The following UNC5C variants were observed in gnomAD, a reference collection of about 807,000 sequenced individuals.
UNC5C encodes netrin receptor UNC5C.
Under a neutral mutation model 99.8 loss-of-function variants are expected in UNC5C, and 47 were observed. That is an observed-to-expected ratio of 0.47 (90% CI 0.37 to 0.60). The LOEUF (loss-of-function observed/expected upper bound fraction) is 0.60, where lower values mean the gene tolerates loss of function less well. Ranked by LOEUF, UNC5C falls within the 20% of genes least tolerant of loss-of-function variation. The pLI is 0.00. For synonymous variants in UNC5C, 487 were observed against 452.2 expected (o/e 1.08, Z -0.98); for missense variants, 1,062 against 1,165.9 (o/e 0.91, Z 1.30).
intron 1 of UNC5C, among the ~76,000 whole-genome samples, chr4:95,392,464 C>G (rs1266175181): frequency 6.6e-6 from 1 of 150,458 alleles, no homozygotes. Flanking sequence ...ACAGGTTTCA[C>G]TCTGTCACCT....
Position 95,167,893 on chromosome 4 carries a change from G to A in UNC5C, c.*1341C>T, listed in dbSNP as rs1259420747. The A allele has an allele frequency of 2.0e-5, 3 of 152,190 alleles. No individual in the cohort carries two copies. The highest frequency in any genetic ancestry group is 4.4e-5 in the Non-Finnish European group (3 of 68,048). 9.4% of individuals were successfully genotyped at this position (152,190 alleles called of 1,614,324 possible). A position where few individuals can be genotyped will look rare whatever the true frequency, so the allele number is the denominator to read the frequency against. The stretch of plus-strand genomic sequence containing the variant: ...GACTGGAGGCATCACGGTGGAAGTT[G>A]AGCATTTCAGAACTTGGAGATGATC... On this transcript the variant is annotated 3_prime_UTR_variant, in exon 16 of 16. Transcript: ENST00000453304.
At chr4:95,208,796 T>G (rs1465173152) in intron 10 of UNC5C, among the ~76,000 whole-genome samples, 2 of 152,222 alleles carry the variant, frequency 1.3e-5, no homozygotes, top group Non-Finnish European at 2.9e-5. Context: ...CACATCAAAT[T>G]CCTTTATAAT....
chr4:95,211,111 C>T (rs1045254766), intron 10 of UNC5C, among the ~76,000 whole-genome samples: 3 of 152,156 alleles, frequency 2.0e-5, no homozygotes, highest in Non-Finnish European at 2.9e-5. Flanking sequence ...AGAGCAGGCT[C>T]AAGGAAAGAA....
In UNC5C at chr4:95,242,460, G is replaced by A. The variant is rs1280100766; in HGVS notation, c.1077C>T (p.Ser359=). ...TGCAAAGCCCATCAGTGCAGTTCTTGGATTGCAAGACGAGGCCGTCGCAGT... is the reference window on the plus strand; with the variant it reads ...TGCAAAGCCCATCAGTGCAGTTCTTAGATTGCAAGACGAGGCCGTCGCAGT... The part of the protein sequence containing the change: ...GKDCDGLVLQ[S]KNCTDGLCMQ... The change falls in exon 7 of 16, where the codon TCC becomes TCT. Residue 359 remains serine (S), a synonymous_variant. Coordinates refer to ENST00000453304, the MANE Select transcript of UNC5C (RefSeq NM_003728.4). 1 of 1,613,942 alleles carries A rather than the reference G, an allele frequency of 6.2e-7. No homozygotes were observed. Among genetic ancestry groups the A allele is most frequent in the East Asian group, 2.2e-5 (1 of 44,836 alleles).
intron 1 of UNC5C, among the ~76,000 whole-genome samples, chr4:95,415,390 C>T (rs1459717579): frequency 6.6e-6 from 1 of 151,986 alleles, no homozygotes; most frequent in African/African-American, 2.4e-5. Context: ...AGCTTCCTAT[C>T]CCTAACGTGG....
At chr4:95,234,446 A>G (rs1189163171) in intron 7 of UNC5C, among the ~76,000 whole-genome samples, 2 of 152,010 alleles carry the variant, frequency 1.3e-5, no homozygotes, top group Non-Finnish European at 2.9e-5. Flanking sequence ...TTACATATGT[A>G]TACATGTGCC....
Position 95,169,187 on chromosome 4 carries a change from G to C in UNC5C, c.*47C>G. 1 of 1,605,252 alleles carries C rather than the reference G, an allele frequency of 6.2e-7. No individual in the cohort carries two copies. Among genetic ancestry groups the C allele is most frequent in the South Asian group, 1.1e-5 (1 of 90,000 alleles). The stretch of plus-strand genomic sequence containing the variant: ...GCTGTGATTCACCTGGACGGCCACA[G>C]ACTCCCTGTGCATTTTTGTCCTTCA... On this transcript the variant is annotated 3_prime_UTR_variant, in exon 16 of 16. Coordinates refer to ENST00000453304, the MANE Select transcript of UNC5C (RefSeq NM_003728.4).
intron 1 of UNC5C, among the ~76,000 whole-genome samples, chr4:95,493,781 TGCAAATCATTAAGTCAAAAGACA>T (rs1721564325): frequency 6.6e-6 from 1 of 151,378 alleles, no homozygotes; most frequent in Non-Finnish European, 1.5e-5. Flanking sequence ...CAGCAGGTTT[TGCAAATCATTAAGTCAAAAGACA>T]GCGGACTGAT....
intron 1 of UNC5C, among the ~76,000 whole-genome samples, chr4:95,393,850 G>GTTTTTT (rs10638203): frequency 2.2e-3 from 298 of 133,750 alleles, no homozygotes; most frequent in South Asian, 0.018. Flanking sequence ...ACAATCTACT[G>GTTTTTT]TTTTTTTTTT....
intron 1 of UNC5C, among the ~76,000 whole-genome samples, chr4:95,414,474 G>A (rs1461486277): frequency 6.6e-6 from 1 of 152,190 alleles, no homozygotes; most frequent in African/African-American, 2.4e-5. Context: ...TAGGCAATGG[G>A]AGGTCTTACC....
intron 1 of UNC5C, among the ~76,000 whole-genome samples, chr4:95,447,059 A>G (rs1679077445): frequency 6.6e-6 from 1 of 152,228 alleles, no homozygotes; most frequent in Non-Finnish European, 1.5e-5. Context: ...ACTTGGAGTT[A>G]TAGAATCAAG....
intron 7 of UNC5C, 108 bp downstream of exon 7, chr4:95,242,321 T>C (rs1385757661): frequency 1.4e-6 from 2 of 1,450,188 alleles, no homozygotes; most frequent in African/African-American, 1.4e-5. Context: ...TGTTATTGCA[T>C]TTTATTGTTG....
intron 7 of UNC5C, among the ~76,000 whole-genome samples, chr4:95,231,112 A>G (rs1738895207): frequency 6.6e-6 from 1 of 152,142 alleles, no homozygotes; most frequent in Non-Finnish European, 1.5e-5. Context: ...AAGATATGGT[A>G]CTTTTTATGC....
At position 95,523,746 on chromosome 4, in the gene UNC5C, C is replaced by T. The variant is rs116576185; in HGVS notation, c.124+24988G>A. Among the ~76,000 whole-genome samples the T allele has an allele frequency of 7.6e-3, 1,153 of 152,162 alleles. 15 individuals carry two copies. Among genetic ancestry groups the T allele is most frequent in the African/African-American group, 0.026 (1,095 of 41,528 alleles). On this transcript the variant is annotated intron_variant, in intron 1 of 15. Coordinates refer to ENST00000453304, the MANE Select transcript of UNC5C (RefSeq NM_003728.4). ...TGTACTACAAAAAAACACATGTAAACGTAGTCACTTAGCATTCCAATTACC... is the reference window on the plus strand; with the variant it reads ...TGTACTACAAAAAAACACATGTAAATGTAGTCACTTAGCATTCCAATTACC...
At chr4:95,448,227 T>TGAGA (rs1208781802) in intron 1 of UNC5C, among the ~76,000 whole-genome samples, 1,269 of 100,118 alleles carry the variant, frequency 0.013, 25 homozygotes, top group African/African-American at 0.031. Flanking sequence ...TGTGTGTGTG[T>TGAGA]GAGAGAGAGA....
chr4:95,385,280 G>A (rs1235721840), intron 1 of UNC5C, among the ~76,000 whole-genome samples: 2 of 152,104 alleles, frequency 1.3e-5, no homozygotes, highest in South Asian at 2.1e-4. Context: ...GGAAGTGCTC[G>A]TAACCTATAA....
intron 1 of UNC5C, among the ~76,000 whole-genome samples, chr4:95,374,091 G>A (rs963657450): frequency 6.6e-6 from 1 of 152,064 alleles, no homozygotes; most frequent in Non-Finnish European, 1.5e-5. Flanking sequence ...GGAAGGAGAT[G>A]TCAAAGCAAC....
intron 1 of UNC5C, among the ~76,000 whole-genome samples, chr4:95,518,564 G>T (rs1722273826): frequency 6.6e-6 from 1 of 152,138 alleles, no homozygotes; most frequent in Non-Finnish European, 1.5e-5. Flanking sequence ...AAAGGCCTAG[G>T]AAATTAACTG....
chr4:95,450,265 G>T (rs1006210401), intron 1 of UNC5C, among the ~76,000 whole-genome samples: 9 of 152,324 alleles, frequency 5.9e-5, no homozygotes, highest in African/African-American at 2.2e-4. Context: ...AGGCTAGAGT[G>T]CAGTAGCACA....
Sources: gnomAD v4.1 joint callset for allele counts (sites outside exome capture counted in the v4.1 genomes callset) on GRCh38, gnomAD v4.1.1 for gene constraint, MANE v1.5 for transcripts, NCBI Gene and HGNC (gene_info 2026-07-23, HGNC 2026-07-21) for gene names.